CDH12: variants seen among roughly 807,000 people sequenced by gnomAD.
CDH12 encodes cadherin 12.
In CDH12, 41 loss-of-function variants were observed where a neutral mutation model predicts 74.1. The observed-to-expected ratio is 0.55, with a 90% CI of 0.43 to 0.72. CDH12 has a LOEUF of 0.72. Ranked by LOEUF, CDH12 falls within the 30% of genes least tolerant of loss-of-function variation. The pLI is 0.00. For missense variants in CDH12, 945 were observed against 977.2 expected, an observed-to-expected ratio of 0.97 and a Z score of 0.44; for synonymous variants, 399 against 355.0, an observed-to-expected ratio of 1.12 and a Z score of -1.39.
At chr5:21,856,639 C>T (rs897908744) in intron 6 of CDH12, among the ~76,000 whole-genome samples, 11 of 151,796 alleles carry the variant, frequency 7.2e-5, no homozygotes, top group African/African-American at 2.6e-4. Context: ...ACATGACCCT[C>T]CACTATGCTG....
chr5:21,804,130 C>T (rs1747293080), intron 9 of CDH12, among the ~76,000 whole-genome samples: 1 of 152,032 alleles, frequency 6.6e-6, no homozygotes, highest in African/African-American at 2.4e-5. Flanking sequence ...TTTTAATTTG[C>T]TAACCTCATA....
intron 3 of CDH12, among the ~76,000 whole-genome samples, chr5:22,393,875 T>C (rs546330068): frequency 6.6e-6 from 1 of 152,278 alleles, no homozygotes; most frequent in African/African-American, 2.4e-5. Context: ...GGCTGAATTG[T>C]GTTTCCCTCT....
intron 10 of CDH12, among the ~76,000 whole-genome samples, chr5:21,784,776 A>C (rs1746108951): frequency 6.6e-6 from 1 of 152,122 alleles, no homozygotes; most frequent in African/African-American, 2.4e-5. Flanking sequence ...AAAACTATTT[A>C]TTTTGACAAG....
At chr5:22,661,530 T>A (rs1030070877) in intron 1 of CDH12, among the ~76,000 whole-genome samples, 1 of 152,108 alleles carries the variant, frequency 6.6e-6, no homozygotes, top group East Asian at 1.9e-4. Context: ...TTTTTATTAG[T>A]AAGCTTTTTA....
At chr5:22,820,894 A>G (rs374359750) in intron 1 of CDH12, among the ~76,000 whole-genome samples, 5 of 152,308 alleles carry the variant, frequency 3.3e-5, no homozygotes, top group East Asian at 3.9e-4. Context: ...TGAGGCCAGC[A>G]TCATCCTGAT....
At chr5:22,101,925 A>G (rs1238344461) in intron 4 of CDH12, among the ~76,000 whole-genome samples, 1 of 152,180 alleles carries the variant, frequency 6.6e-6, no homozygotes, top group African/African-American at 2.4e-5. Context: ...GTAGCTCACA[A>G]GAAGTCATAA....
At chr5:22,658,592 G>A (rs1740183512) in intron 1 of CDH12, among the ~76,000 whole-genome samples, 1 of 151,870 alleles carries the variant, frequency 6.6e-6, no homozygotes, top group Non-Finnish European at 1.5e-5. Context: ...TTTACTTTTT[G>A]CTTGTCTTGG....
At chr5:22,310,258 T>C (rs1294870263) in intron 3 of CDH12, among the ~76,000 whole-genome samples, 1 of 151,852 alleles carries the variant, frequency 6.6e-6, no homozygotes, top group African/African-American at 2.4e-5. Context: ...GTCAGGAGTT[T>C]GAGACCAGCC....
chr5:21,802,901 C>T (rs1276335601), intron 9 of CDH12, among the ~76,000 whole-genome samples: 3 of 152,086 alleles, frequency 2.0e-5, no homozygotes, highest in Non-Finnish European at 4.4e-5. Flanking sequence ...AAAAGAATCA[C>T]GTCCATGTAG....
At chr5:22,159,917 G>A (rs1438245911) in intron 4 of CDH12, among the ~76,000 whole-genome samples, 3 of 152,090 alleles carry the variant, frequency 2.0e-5, no homozygotes, top group Non-Finnish European at 2.9e-5. Flanking sequence ...GTCTGTGTGC[G>A]TGTGTGCGTG....
intron 3 of CDH12, among the ~76,000 whole-genome samples, chr5:22,236,075 C>T (rs1752549808): frequency 1.3e-5 from 2 of 151,968 alleles, no homozygotes; most frequent in Admixed American, 6.6e-5. Context: ...AATGGCATAC[C>T]TGTCTGCGGC....
At chr5:22,761,551 C>T (rs991564023) in intron 1 of CDH12, among the ~76,000 whole-genome samples, 1 of 152,034 alleles carries the variant, frequency 6.6e-6, no homozygotes, top group African/African-American at 2.4e-5. Context: ...CTTATATATG[C>T]CAAATCTCCT....
At chr5:22,262,928 A>C (rs1374654394) in intron 3 of CDH12, among the ~76,000 whole-genome samples, 10 of 151,868 alleles carry the variant, frequency 6.6e-5, no homozygotes. Context: ...AAATTTTCGC[A>C]ACCTACTCAT....
chr5:21,888,435 C>A lies in CDH12; in HGVS notation c.527-33645G>T, dbSNP rs140967832. Among the ~76,000 whole-genome samples the A allele has an allele frequency of 5.7e-3, 871 of 152,110 alleles. 8 individuals are homozygous for A. The highest frequency in any genetic ancestry group is 0.02 in the African/African-American group (822 of 41,496). On this transcript the variant is annotated intron_variant, in intron 6 of 14. Transcript: ENST00000382254. ...TTGAATTGTTCCTCAGTTTAGGAAA[C>A]AATTTGCAACGTTTCCTCACTTCAG...
intron 5 of CDH12, among the ~76,000 whole-genome samples, chr5:21,978,070 C>T (rs1010108318): frequency 6.6e-6 from 1 of 152,146 alleles, no homozygotes; most frequent in African/African-American, 2.4e-5. Flanking sequence ...TCCTTTACTT[C>T]AACTGTAAAA....
intron 1 of CDH12, among the ~76,000 whole-genome samples, chr5:22,731,127 CTCTG>C (rs1249555909): frequency 1.3e-5 from 2 of 151,694 alleles, no homozygotes; most frequent in East Asian, 1.9e-4. Context: ...GTTTAAAATC[CTCTG>C]TCTGACTTTA....
intron 3 of CDH12, among the ~76,000 whole-genome samples, chr5:22,373,805 G>T (rs1433593459): frequency 6.6e-6 from 1 of 152,136 alleles, no homozygotes; most frequent in Non-Finnish European, 1.5e-5. Context: ...CCCTATGAAA[G>T]CAAATTCAAA....
At chr5:22,030,842 G>A (rs188468072) in intron 5 of CDH12, among the ~76,000 whole-genome samples, 1 of 152,232 alleles carries the variant, frequency 6.6e-6, no homozygotes, top group East Asian at 1.9e-4. Flanking sequence ...AAGATCTTTT[G>A]GATAACTTGC....
intron 3 of CDH12, among the ~76,000 whole-genome samples, chr5:22,288,555 T>C (rs926619209): frequency 2.0e-4 from 30 of 152,206 alleles, no homozygotes; most frequent in Admixed American, 7.9e-4. Context: ...CAGATCTATA[T>C]TTTTGGAAGA....
Sources: allele counts gnomAD v4.1 joint callset (sites outside exome capture counted in the v4.1 genomes callset), GRCh38; gene constraint gnomAD v4.1.1; transcripts MANE v1.5; gene names NCBI Gene and HGNC (gene_info 2026-07-23, HGNC 2026-07-21).